Variants in ZNF652 observed in about 807,000 individuals in gnomAD.
The protein encoded by ZNF652 is zinc finger protein 652.
A neutral mutation model predicts 45.2 loss-of-function variants in ZNF652; 16 were observed. The ratio of observed to expected loss-of-function variants is 0.35; its 90% CI spans 0.24 to 0.54. The LOEUF (loss-of-function observed/expected upper bound fraction) is 0.54. Among genes scored for constraint, ZNF652 ranks in the 20% least tolerant of loss-of-function variants. The pLI, the probability that ZNF652 is intolerant of heterozygous loss-of-function variation, is 0.91. For synonymous variants in ZNF652, 250 were observed against 260.6 expected, an observed-to-expected ratio of 0.96 and a Z score of 0.39; for missense variants, 614 against 765.6, an observed-to-expected ratio of 0.80 and a Z score of 2.34.
At chr17:49,305,076 T>C (rs1243822086) in intron 5 of ZNF652, among the ~76,000 whole-genome samples, 1 of 152,120 alleles carries the variant, frequency 6.6e-6, no homozygotes, top group East Asian at 1.9e-4. Context: ...CCTCTACTAT[T>C]CTCTACCTTG....
intron 1 of ZNF652, among the ~76,000 whole-genome samples, chr17:49,333,574 C>G (rs11654077): frequency 1 from 131,828 of 131,890 alleles, 65,883 homozygotes; most frequent in Middle Eastern, 1. Flanking sequence ...AAAAAAATTA[C>G]CCAGGTGTGG....
intron 1 of ZNF652, among the ~76,000 whole-genome samples, chr17:49,347,546 C>A (rs1000878961): frequency 6.6e-6 from 1 of 152,010 alleles, no homozygotes. Flanking sequence ...GCCTGGGTGA[C>A]AGAGCAAGAC....
chr17:49,320,032 A>G (rs752444429), intron 1 of ZNF652, among the ~76,000 whole-genome samples: 1 of 151,998 alleles, frequency 6.6e-6, no homozygotes, highest in Non-Finnish European at 1.5e-5. Context: ...TAATTTGATT[A>G]TGTTTCTGTT....
In ZNF652 at chr17:49,292,153, T is replaced by C. The variant is rs2069412255; in HGVS notation, c.*6260A>G. 6.6e-6 allele frequency among the ~76,000 whole-genome samples: 1 copy of C among 152,002 alleles called. No homozygotes were observed. Among genetic ancestry groups the C allele is most frequent in the South Asian group, 2.1e-4 (1 of 4,826 alleles). ...AAAATGCTGACTAAGGCCCAAATGC[T>C]CAACTCCAAGCTTTCATTCACCTAA... is the stretch of plus-strand genomic sequence containing the variant. On this transcript the variant is annotated 3_prime_UTR_variant, in exon 6 of 6. Transcript: ENST00000430262.
intron 1 of ZNF652, among the ~76,000 whole-genome samples, chr17:49,328,990 G>C (rs2069995496): frequency 6.6e-6 from 1 of 152,132 alleles, no homozygotes; most frequent in Non-Finnish European, 1.5e-5. Flanking sequence ...GATGTACTTA[G>C]GTTTTTGAAC....
At chr17:49,318,629 C>A (rs540323545) in intron 1 of ZNF652, among the ~76,000 whole-genome samples, 20 of 152,220 alleles carry the variant, frequency 1.3e-4, no homozygotes, top group African/African-American at 4.8e-4. Flanking sequence ...ACGCAATATG[C>A]TGATATGGCA....
At position 49,298,509 on chromosome 17, in the gene ZNF652, A is replaced by G. The variant is rs1459276012; in HGVS notation, c.1725T>C (p.Ala575=). 6.2e-7 allele frequency: 1 copy of G among 1,610,108 alleles called. No individual in the cohort carries two copies. The highest frequency in any genetic ancestry group is 1.1e-5 in the South Asian group (1 of 90,914). ...PPVPHLPPPP[A]LFKSEPLNHR... is the part of the protein sequence containing the mutation. ...GATTTAAAGGCTCACTCTTAAAGAG[A>G]GCTGGAGGTGGCGGGAGGTGAGGGA... The change falls in exon 6 of 6, where the codon GCT becomes GCC. Residue 575 remains alanine, a synonymous_variant. Coordinates refer to ENST00000430262, the MANE Select transcript of ZNF652 (RefSeq NM_001145365.3).
intron 1 of ZNF652, among the ~76,000 whole-genome samples, chr17:49,351,014 T>TATATATATACACAC (rs2070273379): frequency 3.4e-5 from 1 of 29,732 alleles, no homozygotes. Context: ...TATATATATA[T>TATATATATACACAC]ACACACACAC....
intron 1 of ZNF652, among the ~76,000 whole-genome samples, chr17:49,343,806 A>C (rs977776793): frequency 3.3e-5 from 5 of 152,182 alleles, no homozygotes; most frequent in African/African-American, 1.2e-4. Flanking sequence ...TGTAATCCCA[A>C]AACTTTGGCA....
intron 5 of ZNF652, among the ~76,000 whole-genome samples, chr17:49,303,602 T>C (rs1017000187): frequency 6.6e-6 from 1 of 152,106 alleles, no homozygotes; most frequent in Admixed American, 6.6e-5. Flanking sequence ...TAAAAGCACA[T>C]GTTTGATTAA....
chr17:49,309,055 C>G (rs530729556), intron 5 of ZNF652, among the ~76,000 whole-genome samples: 1 of 151,968 alleles, frequency 6.6e-6, no homozygotes, highest in Middle Eastern at 3.2e-3. Flanking sequence ...GAAAAACACA[C>G]AGGGAGACAG....
chr17:49,358,182 A>T (rs2070357305), intron 1 of ZNF652, among the ~76,000 whole-genome samples: 1 of 152,194 alleles, frequency 6.6e-6, no homozygotes, highest in Non-Finnish European at 1.5e-5. Context: ...GTTCAATATC[A>T]TAAGACCAGT....
chr17:49,332,594 C>T (rs1465149548), intron 1 of ZNF652, among the ~76,000 whole-genome samples: 1 of 152,168 alleles, frequency 6.6e-6, no homozygotes, highest in Non-Finnish European at 1.5e-5. Flanking sequence ...GGTCCCAAAA[C>T]CCCAGGCTAA....
rs985033907 is a variant in ZNF652 at position 49,296,092 on chromosome 17, T to C, written c.*2321A>G. ...AAAGTGTAGGTTGACAAACTTGTCA[T>C]GGAATGCCAAGGAGACTGTGGAGGG... On this transcript the variant is annotated 3_prime_UTR_variant, in exon 6 of 6. Transcript: ENST00000430262. 3 of 152,092 alleles carry C rather than the reference T, an allele frequency of 2.0e-5. No homozygotes were observed. The highest frequency in any genetic ancestry group is 7.2e-5 in the African/African-American group (3 of 41,396). The allele number at this position is 152,092 out of a possible 1,614,324, so 9.4% of individuals were successfully genotyped here.
At position 49,317,053 on chromosome 17, in the gene ZNF652, G is replaced by A. The variant is rs753174346; in HGVS notation, c.673C>T (p.Arg225Trp). ...GGTGCTTTGGGCTCCTTTGTGGCCC[G>A]CTTCTTACGCTTAGGTGGCTCTACA... ...KSVEPPKRKK[R>W]ATKEPKAPVQ... The change falls in exon 2 of 6, where the codon CGG becomes TGG. Residue 225 changes from arginine (R) to tryptophan (W), a missense_variant. Arg to Trp is a moderately radical substitution (Grantham distance 101). This residue lies in a region of ZNF652 where 262 missense variants were observed against 306.3 expected (regional missense o/e 0.86). Transcript: ENST00000430262. 7.4e-6 allele frequency: 12 copies of A among 1,613,920 alleles called. No homozygotes were observed. The highest frequency in any genetic ancestry group is 6.7e-5 in the East Asian group (3 of 44,854).
At chr17:49,345,161 G>T (rs564340015) in intron 1 of ZNF652, among the ~76,000 whole-genome samples, 166 of 151,940 alleles carry the variant, frequency 1.1e-3, no homozygotes, top group African/African-American at 3.6e-3. Context: ...CTTTTTGGAA[G>T]GGGCAGTGAG....
At chr17:49,324,932 G>A (rs1182796853) in intron 1 of ZNF652, among the ~76,000 whole-genome samples, 2 of 135,414 alleles carry the variant, frequency 1.5e-5, no homozygotes. Context: ...ATAGAGACTA[G>A]GTTTTACCAT....
intron 1 of ZNF652, among the ~76,000 whole-genome samples, chr17:49,338,791 G>C (rs2070112041): frequency 6.6e-6 from 1 of 152,152 alleles, no homozygotes; most frequent in Admixed American, 6.5e-5. Flanking sequence ...AAGGGGCTGA[G>C]CACCAAGCCT....
chr17:49,337,903 T>C (rs1489184541), intron 1 of ZNF652, among the ~76,000 whole-genome samples: 3 of 152,168 alleles, frequency 2.0e-5, no homozygotes, highest in Non-Finnish European at 2.9e-5. Flanking sequence ...AAAATAATCA[T>C]TGCATTGACC....
Sources: gnomAD v4.1 joint callset for allele counts (sites outside exome capture counted in the v4.1 genomes callset) on GRCh38, gnomAD v4.1.1 for gene constraint, gnomAD v4.1.1 regional missense constraint, MANE v1.5 for transcripts, NCBI Gene and HGNC (gene_info 2026-07-23, HGNC 2026-07-21) for gene names.